TRIM13: variants seen among roughly 807,000 people sequenced by gnomAD.
TRIM13 encodes the protein tripartite motif containing 13.
Under a neutral mutation model 27.1 loss-of-function variants are expected in TRIM13, and 15 were observed. The ratio of observed to expected loss-of-function variants is 0.55; its 90% CI spans 0.37 to 0.85. The LOEUF is 0.85. TRIM13 is among the 40% of genes least tolerant of loss of function. TRIM13 has a pLI of 0.00. For synonymous variants in TRIM13, 193 were observed against 171.5 expected (o/e 1.13, Z -0.98); for missense variants, 402 against 472.2 (o/e 0.85, Z 1.38).
chr13:50,007,165 G>A (rs2997624), intron 1 of TRIM13, among the ~76,000 whole-genome samples: 28,976 of 137,914 alleles, frequency 0.21, 3,419 homozygotes, highest in East Asian at 0.35. Context: ...CCTGGGTGAC[G>A]AAGTGAGACT....
chr13:50,014,360 T>TATATACAC lies in TRIM13; in HGVS notation c.*1197_*1198insTATACACA, dbSNP rs879170111. The TATATACAC allele has an allele frequency of 0.01, 614 of 58,554 alleles. 41 individuals carry two copies. In the East Asian group the frequency reaches 0.14, roughly 13 times the overall value. The allele number at this position is 58,554 out of a possible 1,614,324, so 3.6% of individuals were successfully genotyped here. A position where few individuals can be genotyped will look rare whatever the true frequency, so the allele number is the denominator to read the frequency against. Reference sequence around the variant, plus strand: ...AAAAAAAAAAATATATATATATATATACACACACACACACACATATGTACA... The same window carrying TATATACAC: ...AAAAAAAAAAATATATATATATATATATATACACACACACACACACACACATATGTACA... On this transcript the variant is annotated 3_prime_UTR_variant, in exon 2 of 2. Coordinates refer to ENST00000378182, the MANE Select transcript of TRIM13 (RefSeq NM_213590.3).
chr13:50,001,460 C>CT (rs1045330348), intron 1 of TRIM13, among the ~76,000 whole-genome samples: 6 of 152,248 alleles, frequency 3.9e-5, no homozygotes, highest in African/African-American at 9.6e-5. Context: ...CCTTTGTGAA[C>CT]TTTCTGAGTA....
At position 50,015,093 on chromosome 13, in the gene TRIM13, AAATATATATATATATATATATATAT is replaced by A. The variant is rs1346289266; in HGVS notation, c.*1931_*1955del. On this transcript the variant is annotated 3_prime_UTR_variant, in exon 2 of 2. Coordinates refer to ENST00000378182, the MANE Select transcript of TRIM13 (RefSeq NM_213590.3). ...CCAGTAATAAAAAAAAAAAAAAAAA[AAATATATATATATATATATATATAT>A]ATATATATATATATATATATATATA... 2.1e-4 allele frequency: 3 copies of A among 14,206 alleles called. No individual in the cohort carries two copies. Among genetic ancestry groups the A allele is most frequent in the East Asian group, 2.8e-3 (1 of 362 alleles). The allele number at this position is 14,206 out of a possible 1,614,324, so 0.9% of individuals were successfully genotyped here.
In TRIM13 at chr13:50,015,954, G is replaced by T. The variant is rs1876495950; in HGVS notation, c.*2790G>T. ...CAACCTTCAGCGCCGACCTGGAATGGTAACTTTTTCCCTCCTCAGATGACC... is the reference window on the plus strand; with the variant it reads ...CAACCTTCAGCGCCGACCTGGAATGTTAACTTTTTCCCTCCTCAGATGACC... On this transcript the variant is annotated 3_prime_UTR_variant, in exon 2 of 2. Transcript: ENST00000378182. 1 of 1,613,944 alleles carries T rather than the reference G, an allele frequency of 6.2e-7. No homozygotes were observed. Among genetic ancestry groups the T allele is most frequent in the Admixed American group, 1.7e-5 (1 of 59,998 alleles).
In TRIM13 at chr13:49,997,410, TCCACA is replaced by T. The variant is rs1873356348; in HGVS notation, c.-359_-355del. On this transcript the variant is annotated 5_prime_UTR_variant, in exon 1 of 2. It removes the in-frame stop codon of an upstream open reading frame in the 5' UTR. Coordinates refer to ENST00000378182, the MANE Select transcript of TRIM13 (RefSeq NM_213590.3). ...CCTTCCTGGCCCCGCTACCAGCGTC[TCCACA>T]TCCCCTAGAAAAGAAAAGACGGGTG... The T allele has an allele frequency of 6.6e-6, 1 of 152,162 alleles. No homozygotes were observed. Among genetic ancestry groups the T allele is most frequent in the African/African-American group, 2.4e-5 (1 of 41,416 alleles). 9.4% of individuals were successfully genotyped at this position (152,162 alleles called of 1,614,324 possible). A position where few individuals can be genotyped will look rare whatever the true frequency, so the allele number is the denominator to read the frequency against.
Position 50,014,386 on chromosome 13 carries a change from CATACATATAT to C in TRIM13, c.*1235_*1244del, listed in dbSNP as rs1326120034. ...ACACACACACACACACATATGTACA[CATACATATAT>C]ATACATATATATGTATATATAGAAC... On this transcript the variant is annotated 3_prime_UTR_variant, in exon 2 of 2. Coordinates refer to ENST00000378182, the MANE Select transcript of TRIM13 (RefSeq NM_213590.3). The C allele has an allele frequency of 5.4e-5, 7 of 130,400 alleles. No homozygotes were observed. The highest frequency in any genetic ancestry group is 9.6e-5 in the African/African-American group (3 of 31,118). 8.1% of individuals were successfully genotyped at this position (130,400 alleles called of 1,614,324 possible). A position where few individuals can be genotyped will look rare whatever the true frequency, so the allele number is the denominator to read the frequency against.
At chr13:50,006,839 C>T (rs1874780738) in intron 1 of TRIM13, among the ~76,000 whole-genome samples, 1 of 152,086 alleles carries the variant, frequency 6.6e-6, no homozygotes, top group South Asian at 2.1e-4. Flanking sequence ...TGCTTTAGTT[C>T]TCCCTATGTT....
At position 50,012,726 on chromosome 13, in the gene TRIM13, C is replaced by A; in HGVS notation, c.786C>A (p.Ile262=). ...MQEFREKIKV[I]KETPLPPSNL... ...AGTTTAGAGAGAAAATCAAAGTAAT[C>A]AAGGAAACTCCTTTACCTCCCTCTA... Residue 262 remains isoleucine, a synonymous_variant, in exon 2 of 2, where the codon ATC becomes ATA. Transcript: ENST00000378182. 2 of 1,614,040 alleles carry A rather than the reference C, an allele frequency of 1.2e-6. No homozygotes were observed. The highest frequency in any genetic ancestry group is 1.6e-4 in the Middle Eastern group (1 of 6,062).
rs185621540 is a variant in TRIM13 at position 50,017,844 on chromosome 13, G to A, written c.*4680G>A. The stretch of plus-strand genomic sequence containing the variant: ...TGTCTATTCAGATATTTTTTGGTAG[G>A]TTTGGAAAATGGAGAAGTGAGCCTA... On this transcript the variant is annotated 3_prime_UTR_variant, in exon 2 of 2. Transcript: ENST00000378182. The A allele has an allele frequency of 8.8e-4, 147 of 167,124 alleles. No homozygotes were observed. 10.4% of individuals were successfully genotyped at this position (167,124 alleles called of 1,614,324 possible). A position where few individuals can be genotyped will look rare whatever the true frequency, so the allele number is the denominator to read the frequency against.
chr13:49,998,799 C>T (rs1338023790), intron 1 of TRIM13, among the ~76,000 whole-genome samples: 11 of 151,310 alleles, frequency 7.3e-5, no homozygotes, highest in Admixed American at 3.3e-4. Context: ...CGTGGGGGTG[C>T]GTGCACCTGT....
rs1368066586 is a variant in TRIM13 at position 50,012,401 on chromosome 13, G to A, written c.461G>A (p.Arg154Gln). The A allele has an allele frequency of 2.5e-6, 4 of 1,614,084 alleles. No individual in the cohort carries two copies. Among genetic ancestry groups the A allele is most frequent in the Admixed American group, 1.7e-5 (1 of 60,024 alleles). The change falls in exon 2 of 2, where the codon CGG becomes CAG. Residue 154 changes from arginine (R) to glutamine (Q), a missense_variant. Transcript: ENST00000378182. ...TTCCAGAGCTTTGAGACCTGGCGTC[G>A]GGGAGATGCTCTTTCTCGCTTGGAT... ...SLFQSFETWR[R>Q]GDALSRLDTL...
At chr13:50,007,899 A>G (rs1053280089) in intron 1 of TRIM13, among the ~76,000 whole-genome samples, 2 of 152,006 alleles carry the variant, frequency 1.3e-5, no homozygotes, top group African/African-American at 4.8e-5. Context: ...TTACTGTTAA[A>G]AAAGTATTCG....
In TRIM13 at chr13:50,015,032, TAGAC is replaced by T. The variant is rs1876195101; in HGVS notation, c.*1871_*1874del. 1 of 151,850 alleles carries T rather than the reference TAGAC, an allele frequency of 6.6e-6. No individual in the cohort carries two copies. The highest frequency in any genetic ancestry group is 2.8e-5 in the African/African-American group (1 of 35,982). The allele number at this position is 151,850 out of a possible 1,614,324, so 9.4% of individuals were successfully genotyped here. On this transcript the variant is annotated 3_prime_UTR_variant, in exon 2 of 2. Coordinates refer to ENST00000378182, the MANE Select transcript of TRIM13 (RefSeq NM_213590.3). ...ACGTTTAAGTCTAGCCTCTGCGTGG[TAGAC>T]AGGTATGGGGAGGGAGAATGCTTTT...
chr13:50,001,526 G>A (rs1414810798), intron 1 of TRIM13, among the ~76,000 whole-genome samples: 1 of 152,222 alleles, frequency 6.6e-6, no homozygotes, highest in East Asian at 1.9e-4. Context: ...GCCTTGTCAG[G>A]ATCTCTGCTA....
At chr13:50,002,224 A>C (rs1007440743) in intron 1 of TRIM13, among the ~76,000 whole-genome samples, 4 of 152,160 alleles carry the variant, frequency 2.6e-5, no homozygotes, top group African/African-American at 9.7e-5. Flanking sequence ...CCCCGTCTCT[A>C]TTAAAAACAT....
Position 50,015,961 on chromosome 13 carries a change from T to G in TRIM13, c.*2797T>G. 1 of 1,614,138 alleles carries G rather than the reference T, an allele frequency of 6.2e-7. No homozygotes were observed. The highest frequency in any genetic ancestry group is 8.5e-7 in the Non-Finnish European group (1 of 1,179,980). ...CAGCGCCGACCTGGAATGGTAACTT[T>G]TTCCCTCCTCAGATGACCTTACTTC... is the stretch of plus-strand genomic sequence containing the variant. On this transcript the variant is annotated 3_prime_UTR_variant, in exon 2 of 2. Transcript: ENST00000378182.
rs1417297680 is a variant in TRIM13 at position 50,010,063 on chromosome 13, T to TC, written c.-6-1870dup. On this transcript the variant is annotated intron_variant, in intron 1 of 1. Coordinates refer to ENST00000378182, the MANE Select transcript of TRIM13 (RefSeq NM_213590.3). ...ATCTTTTTTTTTTTTTTTTTTTTTT[T>TC]CCTGAGGCAAGGTCTCTCTCTGTTG... Among the ~76,000 whole-genome samples, 5 of 144,116 alleles carry TC rather than the reference T, an allele frequency of 3.5e-5. No individual in the cohort carries two copies. In the East Asian group the frequency reaches 7.9e-4, roughly 23 times the overall value. 94.5% of individuals were successfully genotyped at this position (144,116 alleles called of 152,430 possible).
chr13:50,002,393 A>G (rs1874152578), intron 1 of TRIM13, among the ~76,000 whole-genome samples: 1 of 151,642 alleles, frequency 6.6e-6, no homozygotes, highest in Non-Finnish European at 1.5e-5. Context: ...TCTCAAAAAA[A>G]CAAAAACAAA....
At chr13:50,000,016 A>G (rs1594554148) in intron 1 of TRIM13, among the ~76,000 whole-genome samples, 1 of 152,186 alleles carries the variant, frequency 6.6e-6, no homozygotes, top group East Asian at 1.9e-4. Context: ...TGTTTAGATG[A>G]TTTCTAAGAT....
Sources: gnomAD v4.1 joint callset for allele counts (sites outside exome capture counted in the v4.1 genomes callset) on GRCh38, gnomAD v4.1.1 for gene constraint, MANE v1.5 for transcripts, NCBI Gene and HGNC (gene_info 2026-07-23, HGNC 2026-07-21) for gene names.